The following THEM4 variants were observed in gnomAD, a reference collection of about 807,000 sequenced individuals.
THEM4 encodes thioesterase superfamily member 4.
In THEM4, 22 loss-of-function variants were observed where a neutral mutation model predicts 25.0. That is an observed-to-expected ratio of 0.88 (90% CI 0.63 to 1.26). THEM4 has a LOEUF of 1.26. THEM4 is among the 50% of genes most tolerant of loss of function. The pLI is 0.00. For synonymous variants in THEM4, 113 were observed against 105.6 expected (o/e 1.07, Z -0.43); for missense variants, 286 against 300.3 (o/e 0.95, Z 0.35).
At chr1:151,889,112 G>A (rs1654033284) in intron 3 of THEM4, 102 bp downstream of exon 3, 1 of 830,224 alleles carries the variant, frequency 1.2e-6, no homozygotes, top group African/African-American at 1.7e-5. Context: ...ATACATCTAT[G>A]TGACCATTTG....
At chr1:151,892,527 C>T (rs1430122714) in intron 2 of THEM4, among the ~76,000 whole-genome samples, 2 of 152,174 alleles carry the variant, frequency 1.3e-5, no homozygotes, top group African/African-American at 4.8e-5. Context: ...TTTTCCTCTT[C>T]ATTTATAAAA....
Position 151,872,876 on chromosome 1 carries a change from G to A in THEM4, c.*2012C>T, listed in dbSNP as rs115032326. On this transcript the variant is annotated 3_prime_UTR_variant, in exon 6 of 6. Coordinates refer to ENST00000368814, the MANE Select transcript of THEM4 (RefSeq NM_053055.5). Reference sequence around the variant, plus strand: ...CCCCACTGAGACAGCCTGAGATATGGCCTCCCGGGAAGGGAAAGACCTGAC... The same window carrying A: ...CCCCACTGAGACAGCCTGAGATATGACCTCCCGGGAAGGGAAAGACCTGAC... 3.1e-4 allele frequency among the ~76,000 whole-genome samples: 47 copies of A among 152,242 alleles called. No homozygotes were observed. Among genetic ancestry groups the A allele is most frequent in the Admixed American group, 5.2e-4 (8 of 15,290 alleles).
chr1:151,886,050 C>T (rs1653961852), intron 4 of THEM4, among the ~76,000 whole-genome samples: 1 of 152,098 alleles, frequency 6.6e-6, no homozygotes, highest in African/African-American at 2.4e-5. Flanking sequence ...TTCTAAACTA[C>T]TTATAAAATC....
intron 5 of THEM4, among the ~76,000 whole-genome samples, chr1:151,876,550 G>A (rs755175019): frequency 2.0e-5 from 3 of 151,592 alleles, no homozygotes; most frequent in Admixed American, 6.6e-5. Context: ...TGGGTTCAAG[G>A]GAGCCTCCCA....
chr1:151,887,612 G>A (rs991134225), intron 4 of THEM4, among the ~76,000 whole-genome samples: 3 of 151,766 alleles, frequency 2.0e-5, no homozygotes, highest in East Asian at 1.9e-4. Context: ...GAAAAGACTC[G>A]GTGTTTTGTG....
intron 1 of THEM4, among the ~76,000 whole-genome samples, chr1:151,898,417 C>G (rs1053873763): frequency 6.6e-6 from 1 of 152,198 alleles, no homozygotes; most frequent in East Asian, 1.9e-4. Flanking sequence ...CCATCCCCCA[C>G]AGAAGCTGCA....
In THEM4 at chr1:151,871,992, A is replaced by C. The variant is rs951131811; in HGVS notation, c.*2896T>G. Among the ~76,000 whole-genome samples, 1 of 152,224 alleles carries C rather than the reference A, an allele frequency of 6.6e-6. No individual in the cohort carries two copies. Among genetic ancestry groups the C allele is most frequent in the Non-Finnish European group, 1.5e-5 (1 of 68,040 alleles). ...ATTATTGTAAGAGTCCACTCTCTTA[A>C]GTTTCAGGATTTGTTGGAAGACTGG... On this transcript the variant is annotated 3_prime_UTR_variant, in exon 6 of 6. Transcript: ENST00000368814.
At chr1:151,895,990 T>C (rs1005240746) in intron 1 of THEM4, among the ~76,000 whole-genome samples, 45 of 88,456 alleles carry the variant, frequency 5.1e-4, no homozygotes, top group African/African-American at 1.3e-3. Context: ...CTTGCTTCCT[T>C]TTTTTTTTTT....
chr1:151,894,198 A>C (rs1288523743), intron 2 of THEM4, among the ~76,000 whole-genome samples: 2 of 152,156 alleles, frequency 1.3e-5, no homozygotes, highest in Non-Finnish European at 2.9e-5. Flanking sequence ...AAAAAAACCA[A>C]CCACCACCTA....
chr1:151,893,859 C>CT (rs983728312), intron 2 of THEM4, among the ~76,000 whole-genome samples: 75 of 144,784 alleles, frequency 5.2e-4, no homozygotes, highest in South Asian at 8.8e-4. Flanking sequence ...TTCTTTTTCT[C>CT]TTTTTTTTTT....
At position 151,874,373 on chromosome 1, in the gene THEM4, T is replaced by TG. The variant is rs147159023; in HGVS notation, c.*514_*515insC. ...TCCTAAGGAGACAAGAGTTTTTTTT[T>TG]TTTGTTTGTTTGTTTGTTTGAGATG... On this transcript the variant is annotated 3_prime_UTR_variant, in exon 6 of 6. Transcript: ENST00000368814. 0.32 allele frequency: 47,604 copies of TG among 148,542 alleles called. 7,867 individuals carry two copies. The highest frequency in any genetic ancestry group is 0.56 in the South Asian group (2,628 of 4,658). The allele number at this position is 148,542 out of a possible 1,614,324, so 9.2% of individuals were successfully genotyped here. A position where few individuals can be genotyped will look rare whatever the true frequency, so the allele number is the denominator to read the frequency against.
intron 5 of THEM4, 78 bp from the exon 6 acceptor site, chr1:151,875,006 T>TA (rs1210819741): frequency 1.2e-5 from 14 of 1,125,876 alleles, no homozygotes; most frequent in Non-Finnish European, 1.9e-5. Context: ...TAGAAAGACA[T>TA]ATACAAAAGA....
chr1:151,891,862 C>G (rs1446145799), intron 2 of THEM4, among the ~76,000 whole-genome samples: 1 of 152,000 alleles, frequency 6.6e-6, no homozygotes, highest in African/African-American at 2.4e-5. Context: ...ATACTCAACA[C>G]TGAGGGAGAG....
At chr1:151,876,677 G>C (rs1175046448) in intron 5 of THEM4, among the ~76,000 whole-genome samples, 1 of 151,976 alleles carries the variant, frequency 6.6e-6, no homozygotes, top group Non-Finnish European at 1.5e-5. Context: ...TCGAACTCCT[G>C]GGCTCAAGTG....
rs2101711352 is a variant in THEM4 at position 151,871,334 on chromosome 1, A to G, written c.*3554T>C. Among the ~76,000 whole-genome samples the G allele has an allele frequency of 6.6e-6, 1 of 151,994 alleles. No homozygotes were observed. Among genetic ancestry groups the G allele is most frequent in the Middle Eastern group, 3.4e-3 (1 of 294 alleles). ...AGCCAGACCCTGTCTTGAAAAAAAA[A>G]AAAAAAAAAGAAAAAGAAAAAAGAA... On this transcript the variant is annotated 3_prime_UTR_variant, in exon 6 of 6. Transcript: ENST00000368814.
chr1:151,906,870 T>C (rs1396818476), intron 1 of THEM4, among the ~76,000 whole-genome samples: 4 of 152,076 alleles, frequency 2.6e-5, no homozygotes, highest in African/African-American at 9.7e-5. Flanking sequence ...AATGCACCAA[T>C]CAGGGCCCTG....
At chr1:151,899,970 C>G (rs1208655679) in intron 1 of THEM4, among the ~76,000 whole-genome samples, 1 of 152,162 alleles carries the variant, frequency 6.6e-6, no homozygotes, top group Non-Finnish European at 1.5e-5. Context: ...AGCAGAAACC[C>G]TACAAGCCAG....
chr1:151,876,961 C>T (rs774310842), intron 5 of THEM4, 40 bp downstream of exon 5: 4 of 1,561,006 alleles, frequency 2.6e-6, no homozygotes, highest in East Asian at 4.6e-5. Flanking sequence ...CCAACCCAAC[C>T]CAACTAAACC....
chr1:151,890,185 G>A (rs1060870), intron 2 of THEM4: 257,449 of 455,696 alleles, frequency 0.56, 74,988 homozygotes, highest in Admixed American at 0.7. Context: ...GATTATAGGC[G>A]TGAGCCACAG....
Sources: allele counts gnomAD v4.1 joint callset (sites outside exome capture counted in the v4.1 genomes callset), GRCh38; gene constraint gnomAD v4.1.1; transcripts MANE v1.5; gene names NCBI Gene and HGNC (gene_info 2026-07-23, HGNC 2026-07-21).